TLE4: variants seen among roughly 807,000 people sequenced by gnomAD.
The protein encoded by TLE4 is TLE family member 4, transcriptional corepressor.
In TLE4, 8 loss-of-function variants were observed where a neutral mutation model predicts 92.8. The observed-to-expected ratio is 0.09, with a 90% confidence interval of 0.05 to 0.16. The LOEUF (loss-of-function observed/expected upper bound fraction) is 0.16, where lower values mean the gene tolerates loss of function less well. Among genes scored for constraint, TLE4 ranks in the 10% least tolerant of loss-of-function variants. TLE4 has a pLI of 1.00. For synonymous variants in TLE4, 371 were observed against 374.1 expected, an observed-to-expected ratio of 0.99 and a Z score of 0.10; for missense variants, 675 against 997.6, an observed-to-expected ratio of 0.68 and a Z score of 4.36.
At chr9:79,693,911 A>G (rs775340112) in intron 8 of TLE4, among the ~76,000 whole-genome samples, 1 of 152,200 alleles carries the variant, frequency 6.6e-6, no homozygotes, top group Non-Finnish European at 1.5e-5. Context: ...TTACTGCACC[A>G]CTTAGCTTGA....
Position 79,704,856 on chromosome 9 carries a change from A to G in TLE4, c.683A>G (p.Glu228Gly). 6.2e-7 allele frequency: 1 copy of G among 1,614,176 alleles called. No individual in the cohort carries two copies. The highest frequency in any genetic ancestry group is 1.1e-5 in the South Asian group (1 of 91,080). ...AGAAACTCCGCAGACTACTCCTCAGAGAGCAAAAAGCAGAAAACTGAAGAA... is the reference window on the plus strand; with the variant it reads ...AGAAACTCCGCAGACTACTCCTCAGGGAGCAAAAAGCAGAAAACTGAAGAA... ...KHRNSADYSS[E>G]SKKQKTEEKE... The change falls in exon 9 of 20, where the codon GAG becomes GGG. Residue 228 changes from glutamate (E) to glycine (G), a missense_variant. Glu to Gly is a moderately conservative substitution (Grantham distance 98, BLOSUM62 -2). This residue lies in a region of TLE4 where 280 missense variants were observed against 287.3 expected (regional missense o/e 0.97). Transcript: ENST00000376552.
chr9:79,701,146 A>C (rs961966310), intron 8 of TLE4, among the ~76,000 whole-genome samples: 2 of 152,218 alleles, frequency 1.3e-5, no homozygotes, highest in African/African-American at 4.8e-5. Context: ...TACAAGATTC[A>C]TGATGAGAGT....
At chr9:79,715,890 G>A (rs142065104) in intron 14 of TLE4, among the ~76,000 whole-genome samples, 117 of 152,142 alleles carry the variant, frequency 7.7e-4, no homozygotes, top group African/African-American at 2.5e-3. Flanking sequence ...GATTCTAAGC[G>A]TCCCATCCAG....
intron 4 of TLE4, among the ~76,000 whole-genome samples, chr9:79,591,766 G>A (rs1053718852): frequency 6.6e-6 from 1 of 152,120 alleles, no homozygotes; most frequent in Non-Finnish European, 1.5e-5. Flanking sequence ...ATTGATGTCT[G>A]CAGAGGGACA....
intron 4 of TLE4, among the ~76,000 whole-genome samples, chr9:79,586,934 G>A (rs1209619207): frequency 6.6e-6 from 1 of 152,108 alleles, no homozygotes; most frequent in Non-Finnish European, 1.5e-5. Context: ...ATCAACTCAA[G>A]CATTTCCCTT....
At chr9:79,637,447 C>T (rs2133847960) in intron 6 of TLE4, among the ~76,000 whole-genome samples, 1 of 152,248 alleles carries the variant, frequency 6.6e-6, no homozygotes, top group Admixed American at 6.5e-5. Flanking sequence ...AACCATTATG[C>T]TACACTTGTC....
intron 4 of TLE4, among the ~76,000 whole-genome samples, chr9:79,592,207 T>C (rs201624088): frequency 0.017 from 2,080 of 119,320 alleles, 46 homozygotes; most frequent in African/African-American, 0.063. Flanking sequence ...CTTCTTCTTC[T>C]TCTTCTTCCT....
At chr9:79,721,213 G>A (rs1054411443) in intron 16 of TLE4, among the ~76,000 whole-genome samples, 1 of 152,068 alleles carries the variant, frequency 6.6e-6, no homozygotes, top group Non-Finnish European at 1.5e-5. Context: ...AGTGATTCCT[G>A]GGCCAGTAGT....
intron 5 of TLE4, among the ~76,000 whole-genome samples, chr9:79,626,819 G>T (rs1318416127): frequency 1.3e-5 from 2 of 152,024 alleles, no homozygotes; most frequent in African/African-American, 2.4e-5. Context: ...CTATGTTTTT[G>T]ATCTCTTTTT....
intron 8 of TLE4, among the ~76,000 whole-genome samples, chr9:79,676,218 C>G (rs577132763): frequency 1.3e-4 from 20 of 152,220 alleles, no homozygotes; most frequent in African/African-American, 4.6e-4. Flanking sequence ...GCCTTTCTGG[C>G]AAAGGGCACA....
intron 4 of TLE4, among the ~76,000 whole-genome samples, chr9:79,584,692 G>T (rs1018027146): frequency 1.3e-5 from 2 of 152,180 alleles, no homozygotes; most frequent in South Asian, 4.1e-4. Flanking sequence ...GGTATATTAG[G>T]TTGCAAGATA....
intron 4 of TLE4, 109 bp downstream of exon 4, chr9:79,576,286 A>G (rs932261534): frequency 1.5e-5 from 11 of 729,706 alleles, no homozygotes; most frequent in Non-Finnish European, 2.4e-5. Flanking sequence ...GGCTACCTGT[A>G]TTTAAAAGTC....
intron 8 of TLE4, among the ~76,000 whole-genome samples, chr9:79,662,916 C>T (rs568511924): frequency 7.2e-5 from 11 of 152,276 alleles, no homozygotes; most frequent in Admixed American, 1.3e-4. Context: ...TTCTCCTCTT[C>T]ATTCCAGATC....
chr9:79,662,811 G>A (rs569150238), intron 8 of TLE4, among the ~76,000 whole-genome samples: 1 of 152,294 alleles, frequency 6.6e-6, no homozygotes, highest in African/African-American at 2.4e-5. Context: ...TTAGGCTTGA[G>A]CTTTTCCCAG....
intron 8 of TLE4, among the ~76,000 whole-genome samples, chr9:79,662,279 T>A (rs1399727430): frequency 2.0e-5 from 3 of 152,224 alleles, no homozygotes; most frequent in African/African-American, 4.8e-5. Context: ...TTTAAATTGC[T>A]ACTTTTCAAG....
chr9:79,582,988 T>C (rs553759910), intron 4 of TLE4, among the ~76,000 whole-genome samples: 2 of 152,328 alleles, frequency 1.3e-5, no homozygotes, highest in African/African-American at 4.8e-5. Context: ...GAACAGTTTA[T>C]GAAATTATTA....
At chr9:79,630,825 G>A (rs1380310957) in intron 6 of TLE4, among the ~76,000 whole-genome samples, 1 of 152,032 alleles carries the variant, frequency 6.6e-6, no homozygotes, top group East Asian at 1.9e-4. Flanking sequence ...AGGCTGACTT[G>A]GAACCTCATA....
At position 79,629,965 on chromosome 9, in the gene TLE4, C is replaced by G. The variant is rs79012416; in HGVS notation, c.390+2517C>G. Among the ~76,000 whole-genome samples, 1,087 of 152,196 alleles carry G rather than the reference C, an allele frequency of 7.1e-3. 32 individuals are homozygous for G. In the East Asian group the frequency reaches 0.12, roughly 16 times the overall value. ...TATTTTGACACGCTACCAAAAACAACTAGGGGTCAGTTTTTAGATTTTTGT... is the reference window on the plus strand; with the variant it reads ...TATTTTGACACGCTACCAAAAACAAGTAGGGGTCAGTTTTTAGATTTTTGT... On this transcript the variant is annotated intron_variant, in intron 6 of 19. Transcript: ENST00000376552.
At chr9:79,626,005 A>C (rs1007643588) in intron 5 of TLE4, among the ~76,000 whole-genome samples, 2 of 152,064 alleles carry the variant, frequency 1.3e-5, no homozygotes, top group Non-Finnish European at 2.9e-5. Flanking sequence ...ATCAGAGTCT[A>C]TTAAAAGCTT....
Sources: allele counts gnomAD v4.1 joint callset (sites outside exome capture counted in the v4.1 genomes callset), GRCh38; gene constraint gnomAD v4.1.1; regional missense constraint gnomAD v4.1.1; transcripts MANE v1.5; gene names NCBI Gene and HGNC (gene_info 2026-07-23, HGNC 2026-07-21).